The following KIAA0586 variants were observed in gnomAD, a reference collection of about 807,000 sequenced individuals.
KIAA0586 encodes protein TALPID3.
In KIAA0586, 144 loss-of-function variants were observed where a neutral mutation model predicts 169.8. The ratio of observed to expected loss-of-function variants is 0.85; its 90% CI spans 0.74 to 0.97. The LOEUF (loss-of-function observed/expected upper bound fraction) is 0.97, where lower values mean the gene tolerates loss of function less well. Among genes scored for constraint, KIAA0586 ranks in the 50% least tolerant of loss-of-function variants. KIAA0586 has a pLI of 0.00. For synonymous variants in KIAA0586, 625 were observed against 612.4 expected, an observed-to-expected ratio of 1.02 and a Z score of -0.30; for missense variants, 1,854 against 1,823.0, an observed-to-expected ratio of 1.02 and a Z score of -0.31.
intron 28 of KIAA0586, among the ~76,000 whole-genome samples, chr14:58,508,947 T>C (rs2044196005): frequency 6.6e-6 from 1 of 152,162 alleles, no homozygotes; most frequent in African/African-American, 2.4e-5. Context: ...AATAAAATAA[T>C]GGCCAGGTGC....
At position 58,428,088 on chromosome 14, in the gene KIAA0586, C is replaced by T. The variant is rs1038161605; in HGVS notation, c.-177C>T. ...GAGTGGGATTAATGGGTAAATATGA[C>T]TTTATAGTCAGCTCTAATCCTGGAT... is the stretch of plus-strand genomic sequence containing the variant. On this transcript the variant is annotated 5_prime_UTR_variant, in exon 1 of 31. Coordinates refer to ENST00000652326, the MANE Select transcript of KIAA0586 (RefSeq NM_001329943.3). The T allele has an allele frequency of 3.4e-6, 5 of 1,451,916 alleles. No homozygotes were observed. In the African/African-American group the frequency reaches 7.2e-5, roughly 21 times the overall value. The allele number at this position is 1,451,916 out of a possible 1,614,324, so 89.9% of individuals were successfully genotyped here. A position where few individuals can be genotyped will look rare whatever the true frequency, so the allele number is the denominator to read the frequency against.
Position 58,442,768 on chromosome 14 carries a change from A to G in KIAA0586, c.473A>G (p.Glu158Gly). 3 of 1,599,508 alleles carry G rather than the reference A, an allele frequency of 1.9e-6. No homozygotes were observed. The highest frequency in any genetic ancestry group is 2.6e-6 in the Non-Finnish European group (3 of 1,171,988). ...KVHLLEDAGI[E>G]KDAVTQETRI... The stretch of plus-strand genomic sequence containing the variant: ...CATCTGTTAGAAGATGCAGGCATAG[A>G]GAAGGATGCTGTTACTCAGGAGACT... Residue 158 changes from glutamate to glycine, a missense_variant, in exon 5 of 31, where the codon GAG (glutamate) becomes GGG (glycine). Coordinates refer to ENST00000652326, the MANE Select transcript of KIAA0586 (RefSeq NM_001329943.3).
Position 58,510,079 on chromosome 14 carries a change from A to G in KIAA0586, c.4323+1370A>G, listed in dbSNP as rs369900117. 3.3e-5 allele frequency among the ~76,000 whole-genome samples: 5 copies of G among 152,354 alleles called. 1 individual carries two copies. The highest frequency in any genetic ancestry group is 1.5e-5 in the Non-Finnish European group (1 of 68,026). On this transcript the variant is annotated intron_variant, in intron 28 of 30. Coordinates refer to ENST00000652326, the MANE Select transcript of KIAA0586 (RefSeq NM_001329943.3). ...ATATAAATGGCAAATAAGCACATAA[A>G]AAGATTCTTAGCTGGGCGTGGTGGC...
chr14:58,529,237 C>T (rs2045799097), intron 29 of KIAA0586, among the ~76,000 whole-genome samples: 1 of 152,078 alleles, frequency 6.6e-6, no homozygotes, highest in African/African-American at 2.4e-5. Flanking sequence ...AAAAAAAGCC[C>T]AGGACCAGAC....
chr14:58,553,155 G>A (rs1055507856), downstream of KIAA0586, among the ~76,000 whole-genome samples: 1 of 152,210 alleles, frequency 6.6e-6, no homozygotes, highest in African/African-American at 2.4e-5. Flanking sequence ...AATATCGACT[G>A]TGTGTAGTTT....
rs746158069 is a variant in KIAA0586 at position 58,488,063 on chromosome 14, G to A, written c.3481G>A (p.Glu1161Lys). 2 of 1,609,836 alleles carry A rather than the reference G, an allele frequency of 1.2e-6. No individual in the cohort carries two copies. Among genetic ancestry groups the A allele is most frequent in the African/African-American group, 1.3e-5 (1 of 74,982 alleles). The change falls in exon 23 of 31, where the codon GAA becomes AAA. Residue 1161 changes from glutamate to lysine, a missense_variant. Physicochemically the swap from Glu to Lys is moderately conservative, Grantham distance 56 (BLOSUM62 1). Coordinates refer to ENST00000652326, the MANE Select transcript of KIAA0586 (RefSeq NM_001329943.3). The stretch of plus-strand genomic sequence containing the variant: ...GGGTGATGGAGACCTGCCACTGGAA[G>A]AAGAGAACCCTAACTCACCTCAAGA... The part of the protein sequence containing the change: ...PWGDGDLPLE[E>K]ENPNSPQEEL...
chr14:58,481,074 G>A (rs377615482), intron 20 of KIAA0586, among the ~76,000 whole-genome samples: 96 of 152,274 alleles, frequency 6.3e-4, no homozygotes, highest in African/African-American at 2.3e-3. Context: ...AACATATATT[G>A]TTGAATATGA....
intron 8 of KIAA0586, among the ~76,000 whole-genome samples, chr14:58,452,885 A>G (rs1423048985): frequency 6.7e-6 from 1 of 148,944 alleles, no homozygotes; most frequent in Non-Finnish European, 1.5e-5. Context: ...GAGTGTATTT[A>G]TGGCCTAAAT....
chr14:58,513,530 T>C (rs2044541275), intron 29 of KIAA0586, among the ~76,000 whole-genome samples: 1 of 151,916 alleles, frequency 6.6e-6, no homozygotes, highest in Admixed American at 6.6e-5. Context: ...TTCCATTTGT[T>C]GTCTGTTCCC....
chr14:58,509,678 A>G (rs2044247370), intron 28 of KIAA0586, among the ~76,000 whole-genome samples: 2 of 152,204 alleles, frequency 1.3e-5, no homozygotes, highest in Admixed American at 6.5e-5. Flanking sequence ...AGTATTACCA[A>G]TCTGTGACCA....
At chr14:58,479,163 C>G (rs2041861626) in intron 20 of KIAA0586, among the ~76,000 whole-genome samples, 1 of 152,178 alleles carries the variant, frequency 6.6e-6, no homozygotes, top group African/African-American at 2.4e-5. Flanking sequence ...ACTTTAGTTG[C>G]TCCACATCCT....
At chr14:58,555,155 C>T (rs2047235539), downstream of KIAA0586, among the ~76,000 whole-genome samples, 3 of 133,096 alleles carry the variant, frequency 2.3e-5, no homozygotes, top group South Asian at 7.0e-4. Context: ...GGCTGGAGTG[C>T]AGTGGCACAA....
At position 58,488,081 on chromosome 14, in the gene KIAA0586, C is replaced by T; in HGVS notation, c.3499C>T (p.Pro1167Ser). 1.9e-6 allele frequency: 3 copies of T among 1,604,922 alleles called. No individual in the cohort carries two copies. The Admixed American group carries it at 5.1e-5, about 27-fold the overall frequency. Reference protein sequence around the residue: ...LPLEEENPNSPQEELHPRAIV... With the variant: ...LPLEEENPNSSQEELHPRAIV... ...ACTGGAAGAAGAGAACCCTAACTCA[C>T]CTCAAGAAGAACTTCATCCAAGAGC... Residue 1167 changes from proline to serine, a missense_variant, in exon 23 of 31, where the codon CCT (proline) becomes TCT (serine). Pro to Ser is a moderately conservative substitution (Grantham distance 74, BLOSUM62 -1). Coordinates refer to ENST00000652326, the MANE Select transcript of KIAA0586 (RefSeq NM_001329943.3).
chr14:58,492,747 C>T (rs1259193194), intron 26 of KIAA0586, among the ~76,000 whole-genome samples: 2 of 152,184 alleles, frequency 1.3e-5, no homozygotes, highest in African/African-American at 2.4e-5. Context: ...ACTTCATACA[C>T]AATATTACAT....
At chr14:58,491,391 G>A (rs2042825262) in intron 25 of KIAA0586, among the ~76,000 whole-genome samples, 2 of 152,114 alleles carry the variant, frequency 1.3e-5, no homozygotes, top group African/African-American at 4.8e-5. Flanking sequence ...GTACCAGTGG[G>A]CATTTTATCT....
intron 29 of KIAA0586, among the ~76,000 whole-genome samples, chr14:58,535,639 G>A (rs1425422163): frequency 1.3e-5 from 2 of 151,442 alleles, no homozygotes; most frequent in Admixed American, 6.6e-5. Context: ...ATCTGGCCAG[G>A]TTATTTAACA....
At position 58,470,703 on chromosome 14, in the gene KIAA0586, C is replaced by G; in HGVS notation, c.2533C>G (p.Pro845Ala). 1 of 1,577,684 alleles carries G rather than the reference C, an allele frequency of 6.3e-7. No homozygotes were observed. ...LSSPKEASLP[P>A]VQTWIKTPEI... ...TAGCCCCAAAGAAGCATCTCTTCCT[C>G]CTGTGCAAACTTGGATAAAGGTATA... Residue 845 changes from proline to alanine, a missense_variant, in exon 17 of 31, where the codon CCT becomes GCT. Physicochemically the swap from Pro to Ala is conservative, Grantham distance 27. Transcript: ENST00000652326.
rs144692893 is a variant in KIAA0586 at position 58,508,691 on chromosome 14, C to T, written c.4305C>T (p.Ala1435=). The change falls in exon 28 of 31, where the codon GCC becomes GCT. Residue 1435 remains alanine (A), a synonymous_variant. Transcript: ENST00000652326. The part of the protein sequence containing the change: ...AQENDVNLPV[A]AEDFSQYQLK... ...AAAATGATGTTAATTTACCAGTAGC[C>T]GCTGAAGATTTTTCCCAGGTACCAA... 2.8e-5 allele frequency: 45 copies of T among 1,587,756 alleles called. No individual in the cohort carries two copies. In the East Asian group the frequency reaches 2.9e-4, roughly 10 times the overall value.
chr14:58,551,799 A>G (rs1049109435), downstream of KIAA0586, among the ~76,000 whole-genome samples: 1 of 152,130 alleles, frequency 6.6e-6, no homozygotes, highest in Non-Finnish European at 1.5e-5. Flanking sequence ...ATTGAAATAT[A>G]CTTATCTTTT....
Sources: gnomAD v4.1 joint callset for allele counts (sites outside exome capture counted in the v4.1 genomes callset) on GRCh38, gnomAD v4.1.1 for gene constraint, MANE v1.5 for transcripts, NCBI Gene and HGNC (gene_info 2026-07-23, HGNC 2026-07-21) for gene names.